STARD9: variants seen among roughly 807,000 people sequenced by gnomAD.
STARD9 encodes the protein stAR-related lipid transfer protein 9.
A neutral mutation model predicts 399.8 loss-of-function variants in STARD9; 346 were observed. That is an observed-to-expected ratio of 0.87 (90% CI 0.79 to 0.95). STARD9 has a LOEUF of 0.95. STARD9 is among the 40% of genes least tolerant of loss of function. The pLI, the probability that STARD9 is intolerant of heterozygous loss-of-function variation, is 0.00. For synonymous variants in STARD9, 2,203 were observed against 2,143.5 expected, an observed-to-expected ratio of 1.03 and a Z score of -0.77; for missense variants, 5,832 against 5,667.5, an observed-to-expected ratio of 1.03 and a Z score of -0.93.
intron 26 of STARD9, among the ~76,000 whole-genome samples, chr15:42,711,708 T>C (rs2061227461): frequency 6.6e-6 from 1 of 152,170 alleles, no homozygotes; most frequent in Non-Finnish European, 1.5e-5. Context: ...AACCACATTT[T>C]ATTTATCCAT....
At chr15:42,673,945 T>G (rs746891232) in intron 16 of STARD9, 4 of 456,532 alleles carry the variant, frequency 8.8e-6, no homozygotes, top group South Asian at 6.2e-5. Context: ...CTGTTAAACT[T>G]CATCTGCGGA....
chr15:42,644,553 G>A (rs1227529471), intron 7 of STARD9, among the ~76,000 whole-genome samples: 6 of 152,102 alleles, frequency 3.9e-5, no homozygotes, highest in Admixed American at 6.6e-5. Context: ...AAATGCTAGT[G>A]GTTACCTGAG....
intron 18 of STARD9, 130 bp from the exon 19 acceptor site, chr15:42,675,534 A>G (rs1020683033): frequency 2.4e-5 from 16 of 663,494 alleles, no homozygotes; most frequent in Non-Finnish European, 3.4e-5. Flanking sequence ...ATTAATATGT[A>G]TCTTATCAAC....
intron 3 of STARD9, among the ~76,000 whole-genome samples, chr15:42,608,316 C>G (rs1003759346): frequency 1.3e-5 from 2 of 152,018 alleles, no homozygotes; most frequent in Middle Eastern, 3.2e-3. Context: ...CAGCCGGATG[C>G]GTGAGGTGGA....
intron 15 of STARD9, among the ~76,000 whole-genome samples, chr15:42,667,056 C>A (rs1005140528): frequency 3.3e-5 from 5 of 152,104 alleles, no homozygotes; most frequent in Non-Finnish European, 7.4e-5. Context: ...CTCAGGTAAT[C>A]CACCCGCCTT....
intron 16 of STARD9, chr15:42,674,056 T>A: frequency 2.2e-6 from 1 of 447,746 alleles, no homozygotes; most frequent in East Asian, 6.9e-5. Context: ...CTTTGCCCCT[T>A]AGGGAAAAGC....
rs1232439292 is a variant in STARD9, at chr15:42,685,515, A to T, written c.3937A>T (p.Ser1313Cys). 12 of 1,537,100 alleles carry T rather than the reference A, an allele frequency of 7.8e-6. No individual in the cohort carries two copies. The highest frequency in any genetic ancestry group is 9.6e-6 in the Non-Finnish European group (11 of 1,146,896). Residue 1313 changes from serine to cysteine, a missense_variant, in exon 23 of 33, where the codon AGC (serine) becomes TGC (cysteine). Physicochemically the swap from Ser to Cys is moderately radical, Grantham distance 112 (BLOSUM62 -1). This residue lies in a region of STARD9 where 5,828 missense variants were observed against 5,651.1 expected (regional missense o/e 1.03). Coordinates refer to ENST00000290607, the MANE Select transcript of STARD9 (RefSeq NM_020759.3). ...GCAGGCTGAATCACAGGTAGAGCCAAGCTACTCTGAACAAGCCGACTCTCT... is the reference window on the plus strand; with the variant it reads ...GCAGGCTGAATCACAGGTAGAGCCATGCTACTCTGAACAAGCCGACTCTCT... ...CEQAESQVEPSYSEQADSLQG... is the reference protein window; with the variant it reads ...CEQAESQVEPCYSEQADSLQG...
chr15:42,583,428 T>C lies in STARD9; in HGVS notation c.117+13T>C. On this transcript the variant is annotated intron_variant, in intron 2 of 32. Coordinates refer to ENST00000290607, the MANE Select transcript of STARD9 (RefSeq NM_020759.3). ...CAGGAATTTAAAGGTAAGCCTGAAA[T>C]TGTTTTTCATTTTCTTTCCACTGAG... 1 of 1,530,108 alleles carries C rather than the reference T, an allele frequency of 6.5e-7. No individual in the cohort carries two copies. The highest frequency in any genetic ancestry group is 1.4e-5 in the African/African-American group (1 of 73,034). The allele number at this position is 1,530,108 out of a possible 1,614,324, so 94.8% of individuals were successfully genotyped here.
intron 9 of STARD9, among the ~76,000 whole-genome samples, chr15:42,660,320 T>A (rs1168329787): frequency 6.6e-6 from 1 of 152,104 alleles, no homozygotes; most frequent in Non-Finnish European, 1.5e-5. Context: ...ATCCCATCAC[T>A]TTGGGAGGCC....
In STARD9 at chr15:42,686,266, A is replaced by T; in HGVS notation, c.4688A>T (p.Gln1563Leu). The T allele has an allele frequency of 6.5e-7, 1 of 1,537,768 alleles. No individual in the cohort carries two copies. Residue 1563 changes from glutamine to leucine, a missense_variant, in exon 23 of 33, where the codon CAG becomes CTG. Physicochemically the swap from Gln to Leu is moderately radical, Grantham distance 113. This residue lies in a region of STARD9 where 5,828 missense variants were observed against 5,651.1 expected (regional missense o/e 1.03). Coordinates refer to ENST00000290607, the MANE Select transcript of STARD9 (RefSeq NM_020759.3). ...AGGCGTTTGAGGGCAGAGAAAGAAC[A>T]GGACAGTTTAAATGCCAAATTAGAA... Reference protein sequence around the residue: ...RIRRLRAEKEQDSLNAKLEGV... With the variant: ...RIRRLRAEKELDSLNAKLEGV...
At chr15:42,615,483 C>G (rs1322153365) in intron 3 of STARD9, among the ~76,000 whole-genome samples, 1 of 151,690 alleles carries the variant, frequency 6.6e-6, no homozygotes, top group East Asian at 1.9e-4. Context: ...TGACAGCATC[C>G]CATTTTTTAG....
rs1225334158 is a variant in STARD9, at chr15:42,634,855, G to C, written c.235-1G>C. The C allele has an allele frequency of 6.6e-7, 1 of 1,511,040 alleles. No individual in the cohort carries two copies. The highest frequency in any genetic ancestry group is 8.9e-7 in the Non-Finnish European group (1 of 1,125,798). The allele number at this position is 1,511,040 out of a possible 1,614,324, so 93.6% of individuals were successfully genotyped here. A position where few individuals can be genotyped will look rare whatever the true frequency, so the allele number is the denominator to read the frequency against. Reference sequence around the variant, plus strand: ...TATTTCCTCTGCTTTTGTTGTTACAGGTTTTCCAGGATTTAGGGATGGAAG... The same window carrying C: ...TATTTCCTCTGCTTTTGTTGTTACACGTTTTCCAGGATTTAGGGATGGAAG... On this transcript the variant is annotated splice_acceptor_variant, in intron 3 of 32. Coordinates refer to ENST00000290607, the MANE Select transcript of STARD9 (RefSeq NM_020759.3). LOFTEE classifies it high-confidence loss of function.
At chr15:42,582,026 C>G (rs1391296751) in intron 1 of STARD9, among the ~76,000 whole-genome samples, 1 of 152,158 alleles carries the variant, frequency 6.6e-6, no homozygotes, top group Non-Finnish European at 1.5e-5. Flanking sequence ...GTAATCCTGG[C>G]TACTTGGGAA....
intron 3 of STARD9, among the ~76,000 whole-genome samples, chr15:42,585,903 T>C (rs190381867): frequency 3.3e-5 from 5 of 152,352 alleles, no homozygotes; most frequent in Admixed American, 6.5e-5. Flanking sequence ...TGCGGTAATA[T>C]CGTGTATTTC....
At position 42,694,671 on chromosome 15, in the gene STARD9, G is replaced by C. The variant is rs957624936; in HGVS notation, c.12908G>C (p.Ser4303Thr). 1.3e-6 allele frequency: 2 copies of C among 1,537,098 alleles called. No homozygotes were observed. The highest frequency in any genetic ancestry group is 1.7e-6 in the Non-Finnish European group (2 of 1,146,912). ...TTCATCTGGGATCTTGACTTGCCCA[G>C]CAGACGCCGAGAATACCTGCAGCAA... ...DLFIWDLDLP[S>T]RRREYLQQLR... The change falls in exon 24 of 33, where the codon AGC (serine) becomes ACC (threonine). Residue 4303 changes from serine (S) to threonine (T), a missense_variant. Physicochemically the swap from Ser to Thr is moderately conservative, Grantham distance 58. Coordinates refer to ENST00000290607, the MANE Select transcript of STARD9 (RefSeq NM_020759.3).
In STARD9 at chr15:42,691,861, G is replaced by T; in HGVS notation, c.10283G>T (p.Gly3428Val). 1 of 1,537,284 alleles carries T rather than the reference G, an allele frequency of 6.5e-7. No homozygotes were observed. Among genetic ancestry groups the T allele is most frequent in the Non-Finnish European group, 8.7e-7 (1 of 1,146,910 alleles). ...TPDFTTSWMS[G>V]TLEQAQQGKR... ...GATTTCACGACCAGCTGGATGTCTG[G>T]TACTTTGGAACAAGCCCAACAGGGA... The change falls in exon 23 of 33, where the codon GGT (glycine) becomes GTT (valine). Residue 3428 changes from glycine to valine, a missense_variant. Physicochemically the swap from Gly to Val is moderately radical, Grantham distance 109. This residue lies in a region of STARD9 where 5,828 missense variants were observed against 5,651.1 expected (regional missense o/e 1.03). Coordinates refer to ENST00000290607, the MANE Select transcript of STARD9 (RefSeq NM_020759.3).
Position 42,695,841 on chromosome 15 carries a change from C to A in STARD9, c.13245C>A (p.Ser4415Arg), listed in dbSNP as rs1348386268. 1 of 1,537,248 alleles carries A rather than the reference C, an allele frequency of 6.5e-7. No homozygotes were observed. The highest frequency in any genetic ancestry group is 2.0e-5 in the Admixed American group (1 of 51,000). ...GCATGACCTCTGGCTATAATAGCAG[C>A]CCAGCCTTGTCAGGCCAGCTCCAGT... Reference protein sequence around the residue: ...SSGMTSGYNSSPALSGQLQFP... With the variant: ...SSGMTSGYNSRPALSGQLQFP... Residue 4415 changes from serine (S) to arginine (R), a missense_variant, in exon 26 of 33, where the codon AGC (serine) becomes AGA (arginine). Coordinates refer to ENST00000290607, the MANE Select transcript of STARD9 (RefSeq NM_020759.3).
rs1316349461 is a variant in STARD9 at position 42,685,546 on chromosome 15, G to T, written c.3968G>T (p.Gly1323Val). 1 of 1,537,520 alleles carries T rather than the reference G, an allele frequency of 6.5e-7. No homozygotes were observed. Among genetic ancestry groups the T allele is most frequent in the East Asian group, 2.4e-5 (1 of 40,912 alleles). ...SYSEQADSLQGMQLSRESPLM... is the reference protein window; with the variant it reads ...SYSEQADSLQVMQLSRESPLM... ...TCTGAACAAGCCGACTCTCTCCAAG[G>T]CATGCAGCTTTCAAGAGAGAGCCCA... The change falls in exon 23 of 33, where the codon GGC becomes GTC. Residue 1323 changes from glycine to valine, a missense_variant. Coordinates refer to ENST00000290607, the MANE Select transcript of STARD9 (RefSeq NM_020759.3).
intron 7 of STARD9, among the ~76,000 whole-genome samples, chr15:42,649,133 G>C (rs201194728): frequency 6.6e-6 from 1 of 152,006 alleles, no homozygotes; most frequent in East Asian, 1.9e-4. Flanking sequence ...GGGTTCAAGC[G>C]ATTCTCTTGC....
Sources: gnomAD v4.1 joint callset for allele counts (sites outside exome capture counted in the v4.1 genomes callset) on GRCh38, gnomAD v4.1.1 for gene constraint, gnomAD v4.1.1 regional missense constraint, MANE v1.5 for transcripts, NCBI Gene and HGNC (gene_info 2026-07-23, HGNC 2026-07-21) for gene names.